CGN: variants seen among roughly 807,000 people sequenced by gnomAD.
The protein encoded by CGN is cingulin.
CGN carries 121 observed loss-of-function variants against 157.1 expected under a neutral mutation model. That is an observed-to-expected ratio of 0.77 (90% CI 0.66 to 0.90). CGN has a LOEUF of 0.90. CGN is among the 40% of genes least tolerant of loss of function. The pLI is 0.00. For missense variants in CGN, 1,424 were observed against 1,520.9 expected, an observed-to-expected ratio of 0.94 and a Z score of 1.06; for synonymous variants, 535 against 607.5, an observed-to-expected ratio of 0.88 and a Z score of 1.76.
intron 5 of CGN, among the ~76,000 whole-genome samples, chr1:151,521,613 C>T (rs1664543305): frequency 6.6e-6 from 1 of 152,074 alleles, no homozygotes; most frequent in South Asian, 2.1e-4. Context: ...CTGAGGCAGG[C>T]AGATCACCTG....
At chr1:151,511,217 C>T (rs1664276001), upstream of CGN, among the ~76,000 whole-genome samples, 1 of 152,200 alleles carries the variant, frequency 6.6e-6, no homozygotes, top group Non-Finnish European at 1.5e-5. The surrounding 1 kb of genome is among the most constrained non-coding windows in gnomAD (Gnocchi z 4.8). Context: ...TCCACGTGAC[C>T]TGGCCCGCCC....
chr1:151,537,074 C>A (rs1296606235), intron 20 of CGN, 131 bp from the exon 21 acceptor site: 2 of 1,231,098 alleles, frequency 1.6e-6, no homozygotes, highest in Admixed American at 2.5e-5. Context: ...CTCCCCAAAT[C>A]TGATTAGTTG....
Position 151,530,683 on chromosome 1 carries a change from C to T in CGN, c.2508C>T (p.Gly836=), listed in dbSNP as rs202190616. ...AGCAGCGGGAGGTGCTCCGGCGAGGCAAGGCTGAGCTGGAGGAGCAGAAGC... is the reference window on the plus strand; with the variant it reads ...AGCAGCGGGAGGTGCTCCGGCGAGGTAAGGCTGAGCTGGAGGAGCAGAAGC... ...EGKQREVLRR[G]KAELEEQKRL... The change falls in exon 13 of 21, where the codon GGC becomes GGT. Residue 836 remains glycine (G), a synonymous_variant. Transcript: ENST00000271636. The T allele has an allele frequency of 6.4e-7, 1 of 1,561,480 alleles. No homozygotes were observed. Among genetic ancestry groups the T allele is most frequent in the East Asian group, 2.4e-5 (1 of 41,736 alleles).
At chr1:151,535,508 A>G in intron 16 of CGN, 92 bp from the exon 17 acceptor site, 2 of 1,030,680 alleles carry the variant, frequency 1.9e-6, no homozygotes, top group Non-Finnish European at 3.0e-6. Flanking sequence ...GGGTTCAGAG[A>G]CCATCCTCCC....
At chr1:151,521,888 T>C (rs139633593) in intron 5 of CGN, among the ~76,000 whole-genome samples, 222 of 152,162 alleles carry the variant, frequency 1.5e-3, no homozygotes, top group African/African-American at 5.2e-3. Flanking sequence ...TGGGATCAGC[T>C]TAACAGGGTA....
chr1:151,537,450 T>A lies in CGN; in HGVS notation c.*104T>A. On this transcript the variant is annotated 3_prime_UTR_variant, in exon 21 of 21. Transcript: ENST00000271636. Reference sequence around the variant, plus strand: ...TCTGCATTCCTATGGGTGACCCAATTATTCAGACCTAAGACAGGGAGGGGT... The same window carrying A: ...TCTGCATTCCTATGGGTGACCCAATAATTCAGACCTAAGACAGGGAGGGGT... The A allele has an allele frequency of 1.0e-6, 1 of 997,912 alleles. No individual in the cohort carries two copies. The highest frequency in any genetic ancestry group is 1.5e-6 in the Non-Finnish European group (1 of 689,092). The allele number at this position is 997,912 out of a possible 1,614,324, so 61.8% of individuals were successfully genotyped here. A position where few individuals can be genotyped will look rare whatever the true frequency, so the allele number is the denominator to read the frequency against.
intron 8 of CGN, 46 bp from the exon 9 acceptor site, chr1:151,525,596 C>T: frequency 6.7e-7 from 1 of 1,481,942 alleles, no homozygotes; most frequent in Non-Finnish European, 9.0e-7. Context: ...TTTGAAGTGA[C>T]CTCTTCCCTC....
Position 151,511,492 on chromosome 1 carries a change from C to A in CGN, c.-38C>A. ...CCCGAGCCCGAGCCCGAACGCAAGCCTGGGAGCGCGGAGCCCGGCTAGGGT... is the reference window on the plus strand; with the variant it reads ...CCCGAGCCCGAGCCCGAACGCAAGCATGGGAGCGCGGAGCCCGGCTAGGGT... On this transcript the variant is annotated 5_prime_UTR_variant, in exon 1 of 21. In the 5' UTR this introduces an upstream ATG that the reference lacks. Transcript: ENST00000271636. This position sits in a 1 kb window ranked among gnomAD's most constrained non-coding sequence, Gnocchi z 4.8. 1 of 173,096 alleles carries A rather than the reference C, an allele frequency of 5.8e-6. No homozygotes were observed. Among genetic ancestry groups the A allele is most frequent in the Non-Finnish European group, 1.2e-5 (1 of 82,624 alleles). 10.7% of individuals were successfully genotyped at this position (173,096 alleles called of 1,614,324 possible).
In CGN at chr1:151,527,103, A is replaced by T; in HGVS notation, c.1892A>T (p.Lys631Met). ...AGDTRQVEVL[K>M]KELLRTQEEL... Reference sequence around the variant, plus strand: ...GATACTCGCCAGGTTGAGGTGCTCAAGAAGGTATTTGGGAATTGGGGGGCA... The same window carrying T: ...GATACTCGCCAGGTTGAGGTGCTCATGAAGGTATTTGGGAATTGGGGGGCA... Residue 631 changes from lysine (K) to methionine (M), a missense_variant, in exon 10 of 21, where the codon AAG (lysine) becomes ATG (methionine). Physicochemically the swap from Lys to Met is moderately conservative, Grantham distance 95 (BLOSUM62 -1). Coordinates refer to ENST00000271636, the MANE Select transcript of CGN (RefSeq NM_020770.3). 1 of 1,614,104 alleles carries T rather than the reference A, an allele frequency of 6.2e-7. No homozygotes were observed. The highest frequency in any genetic ancestry group is 8.5e-7 in the Non-Finnish European group (1 of 1,180,020).
Position 151,527,093 on chromosome 1 carries a change from G to T in CGN, c.1882G>T (p.Glu628Ter). 6.2e-7 allele frequency: 1 copy of T among 1,614,178 alleles called. No homozygotes were observed. The highest frequency in any genetic ancestry group is 1.3e-5 in the African/African-American group (1 of 75,062). Reference sequence around the variant, plus strand: ...TAGTGCTGGAGATACTCGCCAGGTTGAGGTGCTCAAGAAGGTATTTGGGAA... The same window carrying T: ...TAGTGCTGGAGATACTCGCCAGGTTTAGGTGCTCAAGAAGGTATTTGGGAA... ...RASAGDTRQV[E>*]VLKKELLRTQ... Residue 628 changes from glutamate (E) to a stop codon, truncating the protein, a stop_gained, in exon 10 of 21, where the codon GAG becomes TAG. Transcript: ENST00000271636. LOFTEE classifies it high-confidence loss of function.
rs1557988765 is a variant in CGN at position 151,524,454 on chromosome 1, G to C, written c.1401+96G>C. On this transcript the variant is annotated intron_variant, in intron 7 of 20. Transcript: ENST00000271636. This position sits in a 1 kb window ranked among gnomAD's most constrained non-coding sequence, Gnocchi z 4.4. The stretch of plus-strand genomic sequence containing the variant: ...ATGGTTTCCCCAAAGTATGAGGAGT[G>C]GGTGGCTGATTACAGGTACTCAGTG... The C allele has an allele frequency of 9.7e-6, 15 of 1,553,392 alleles. No individual in the cohort carries two copies. Among genetic ancestry groups the C allele is most frequent in the Non-Finnish European group, 1.3e-5 (15 of 1,142,728 alleles).
At position 151,524,895 on chromosome 1, in the gene CGN, CAA is replaced by C; in HGVS notation, c.1614+10_1614+11del. 6.2e-7 allele frequency: 1 copy of C among 1,607,872 alleles called. No homozygotes were observed. The highest frequency in any genetic ancestry group is 8.5e-7 in the Non-Finnish European group (1 of 1,177,108). On this transcript the variant is annotated intron_variant, in intron 8 of 20. Transcript: ENST00000271636. This position sits in a 1 kb window ranked among gnomAD's most constrained non-coding sequence, Gnocchi z 4.4. ...TGCAAGATGCAACCCAGGCATGTGA[CAA>C]GAGCAGGGTCTGAGAGAGGAGGGCA...
intron 10 of CGN, chr1:151,527,930 C>T: frequency 3.7e-6 from 1 of 272,556 alleles, no homozygotes; most frequent in Non-Finnish European, 7.0e-6. Flanking sequence ...ATCCCATGGC[C>T]ACACTATATA....
Position 151,519,300 on chromosome 1 carries a change from A to G in CGN, c.781A>G (p.Ser261Gly), listed in dbSNP as rs1664487471. ...PAQSQNLSPL[S>G]GFSRSRQTQD... ...CCAGAGCCAGAACCTGAGTCCTCTC[A>G]GTGGCTTTAGCCGTTCTCGTCAGAC... The change falls in exon 2 of 21, where the codon AGT becomes GGT. Residue 261 changes from serine (S) to glycine (G), a missense_variant. Physicochemically the swap from Ser to Gly is moderately conservative, Grantham distance 56 (BLOSUM62 0). This residue lies in a region of CGN where 1,187 missense variants were observed against 1,217.6 expected (regional missense o/e 0.97). Transcript: ENST00000271636. 6.2e-7 allele frequency: 1 copy of G among 1,613,512 alleles called. No homozygotes were observed.
intron 14 of CGN, 38 bp downstream of exon 14, chr1:151,532,610 C>CTAT: frequency 2.8e-5 from 30 of 1,066,516 alleles, no homozygotes; most frequent in Non-Finnish European, 3.6e-5. Context: ...AGGTCCTTGC[C>CTAT]TCTTTTTTTT....
chr1:151,527,167 T>C, intron 10 of CGN, 60 bp downstream of exon 10: 1 of 1,589,980 alleles, frequency 6.3e-7, no homozygotes, highest in Non-Finnish European at 8.6e-7. Context: ...GCCTTACCTC[T>C]CCATGAGGGC....
Position 151,520,164 on chromosome 1 carries a change from A to G in CGN, c.874-2A>G. The G allele has an allele frequency of 6.3e-7, 1 of 1,588,810 alleles. No homozygotes were observed. Among genetic ancestry groups the G allele is most frequent in the Non-Finnish European group, 8.5e-7 (1 of 1,171,236 alleles). On this transcript the variant is annotated splice_acceptor_variant, in intron 2 of 20. Coordinates refer to ENST00000271636, the MANE Select transcript of CGN (RefSeq NM_020770.3). LOFTEE classifies it high-confidence loss of function. ...TTTTTTCTTTTTCTTTTTTTTTAAC[A>G]GTTCAAATCAACTCCAGACCTCCTT...
chr1:151,529,999 G>A lies in CGN; in HGVS notation c.2197G>A (p.Asp733Asn). The A allele has an allele frequency of 6.2e-7, 1 of 1,614,206 alleles. No homozygotes were observed. Among genetic ancestry groups the A allele is most frequent in the Non-Finnish European group, 8.5e-7 (1 of 1,180,030 alleles). Residue 733 changes from aspartate to asparagine, a missense_variant, in exon 12 of 21, where the codon GAC becomes AAC. Physicochemically the swap from Asp to Asn is conservative, Grantham distance 23 (BLOSUM62 1). This residue lies in a region of CGN where 1,187 missense variants were observed against 1,217.6 expected (regional missense o/e 0.97). Transcript: ENST00000271636. ...TTLRETQEENDEFRRRILGLE... is the reference protein window; with the variant it reads ...TTLRETQEENNEFRRRILGLE... ...GCTTCGGGAGACCCAGGAGGAAAAT[G>A]ACGAATTCCGCCGGCGCATCCTGGG...
intron 1 of CGN, among the ~76,000 whole-genome samples, chr1:151,517,425 T>C (rs2102487654): frequency 6.6e-6 from 1 of 152,260 alleles, no homozygotes; most frequent in Non-Finnish European, 1.5e-5. Flanking sequence ...GGCCCCCTTT[T>C]CTCCAGTGAG....
Sources: gnomAD v4.1 joint callset for allele counts (sites outside exome capture counted in the v4.1 genomes callset) on GRCh38, gnomAD v4.1.1 for gene constraint, gnomAD v4.1.1 regional missense constraint, Gnocchi (gnomAD v3.1) non-coding constraint, MANE v1.5 for transcripts, NCBI Gene and HGNC (gene_info 2026-07-23, HGNC 2026-07-21) for gene names.